The following TMEM17 variants were observed in gnomAD, a reference collection of about 807,000 sequenced individuals.
TMEM17 encodes the protein transmembrane protein 17.
TMEM17 carries 15 observed loss-of-function variants against 19.1 expected under a neutral mutation model. That is an observed-to-expected ratio of 0.78 (90% confidence interval 0.52 to 1.21). The LOEUF (loss-of-function observed/expected upper bound fraction) is 1.21. TMEM17 is among the 50% of genes most tolerant of loss of function. TMEM17 has a pLI of 0.00. For synonymous variants in TMEM17, 103 were observed against 86.9 expected (o/e 1.19, Z -1.03); for missense variants, 245 against 242.3 (o/e 1.01, Z -0.07).
At chr2:62,477,081 C>T in the TMEM17 span, among the ~76,000 whole-genome samples, 2 of 152,144 alleles carry the variant, frequency 1.3e-5, no homozygotes, top group African/African-American at 4.8e-5. Context: ...TGCCGAGCAA[C>T]TGCAGCTTAA....
the TMEM17 span, among the ~76,000 whole-genome samples, chr2:62,485,374 C>T: frequency 0.041 from 6,203 of 152,260 alleles, 284 homozygotes; most frequent in African/African-American, 0.11. Context: ...CCTGATTGTC[C>T]TGCTTGTATA....
At chr2:62,497,071 A>G (rs1679796961), downstream of TMEM17, among the ~76,000 whole-genome samples, 3 of 152,236 alleles carry the variant, frequency 2.0e-5, no homozygotes, top group Admixed American at 1.3e-4. Context: ...TGAATTAGAA[A>G]AAAGACCCTC....
downstream of TMEM17, among the ~76,000 whole-genome samples, chr2:62,498,623 G>A (rs1468339057): frequency 1.4e-5 from 2 of 147,192 alleles, no homozygotes; most frequent in Non-Finnish European, 3.0e-5. Context: ...GGCTGAGGCA[G>A]GAGAATGGCG....
At chr2:62,490,820 T>C in the TMEM17 span, among the ~76,000 whole-genome samples, 1 of 152,130 alleles carries the variant, frequency 6.6e-6, no homozygotes, top group African/African-American at 2.4e-5. Context: ...CTCACGCCTG[T>C]AATCCTGTCA....
the TMEM17 span, among the ~76,000 whole-genome samples, chr2:62,482,829 G>A: frequency 1.4e-3 from 207 of 152,282 alleles, 1 homozygote; most frequent in African/African-American, 4.8e-3. Flanking sequence ...AATCACCCAG[G>A]TTGCATAAGC....
chr2:62,505,611 T>C (rs1280720495), intron 1 of TMEM17, among the ~76,000 whole-genome samples: 1 of 152,236 alleles, frequency 6.6e-6, no homozygotes, highest in East Asian at 1.9e-4. Context: ...CTCGTCATCC[T>C]GGACAGAAAA....
the TMEM17 span, among the ~76,000 whole-genome samples, chr2:62,475,175 T>A: frequency 6.6e-6 from 1 of 152,060 alleles, no homozygotes; most frequent in Admixed American, 6.5e-5. Context: ...TTTCCTGGGG[T>A]GTTTTCAGCT....
chr2:62,490,317 G>A, the TMEM17 span, among the ~76,000 whole-genome samples: 1 of 152,040 alleles, frequency 6.6e-6, no homozygotes, highest in East Asian at 1.9e-4. Flanking sequence ...AGGCTGGAGT[G>A]CGGTGGCACA....
chr2:62,484,543 G>T, the TMEM17 span, among the ~76,000 whole-genome samples: 3 of 152,142 alleles, frequency 2.0e-5, no homozygotes, highest in Non-Finnish European at 4.4e-5. Flanking sequence ...ATTAAAAATG[G>T]TCACATGGAG....
the TMEM17 span, among the ~76,000 whole-genome samples, chr2:62,491,986 T>G: frequency 3.9e-5 from 6 of 151,948 alleles, no homozygotes; most frequent in African/African-American, 1.4e-4. Context: ...TGCTAAGCCT[T>G]TCTATAGGTA....
the TMEM17 span, among the ~76,000 whole-genome samples, chr2:62,479,292 T>C: frequency 6.6e-6 from 1 of 152,190 alleles, no homozygotes; most frequent in African/African-American, 2.4e-5. Flanking sequence ...TTTTCTTAGC[T>C]TCCAATATGA....
At chr2:62,502,285 G>A in intron 3 of TMEM17, 152 bp downstream of exon 3, 1 of 505,900 alleles carries the variant, frequency 2.0e-6, no homozygotes, top group Non-Finnish European at 3.6e-6. Flanking sequence ...AAGAGATTAA[G>A]CAAACAGACC....
At chr2:62,501,983 G>C (rs577268640) in intron 3 of TMEM17, 8 of 164,074 alleles carry the variant, frequency 4.9e-5, no homozygotes, top group Non-Finnish European at 6.6e-5. Flanking sequence ...GGAATCTTTA[G>C]GCATTATCCC....
At chr2:62,505,903 C>G (rs936918804) in intron 1 of TMEM17, 127 bp downstream of exon 1, 65 of 964,216 alleles carry the variant, frequency 6.7e-5, no homozygotes, top group Non-Finnish European at 9.1e-5. Flanking sequence ...AAGGCGCTCT[C>G]CCGCACTGCG....
chr2:62,479,854 T>C, the TMEM17 span, among the ~76,000 whole-genome samples: 2 of 128,230 alleles, frequency 1.6e-5, no homozygotes, highest in Admixed American at 9.8e-5. Context: ...GCCACTGCAC[T>C]CCACCGTGAG....
At chr2:62,497,582 GTCAT>G (rs955904880), downstream of TMEM17, among the ~76,000 whole-genome samples, 32 of 152,072 alleles carry the variant, frequency 2.1e-4, no homozygotes, top group South Asian at 2.1e-4. Context: ...TTCCAGATTC[GTCAT>G]TCATTTAGAT....
chr2:62,471,972 C>T, the TMEM17 span, among the ~76,000 whole-genome samples: 10 of 152,322 alleles, frequency 6.6e-5, no homozygotes, highest in African/African-American at 1.4e-4. Flanking sequence ...AACTCAGATG[C>T]GGAGTCAAGG....
downstream of TMEM17, among the ~76,000 whole-genome samples, chr2:62,498,716 AAAAATAAAAT>A (rs202244559): frequency 8.5e-4 from 102 of 120,208 alleles, 2 homozygotes; most frequent in Middle Eastern, 3.7e-3. Flanking sequence ...ACTCCGTCTC[AAAAATAAAAT>A]AAAATAAAAT....
chr2:62,480,636 T>A, the TMEM17 span, among the ~76,000 whole-genome samples: 97 of 152,294 alleles, frequency 6.4e-4, 1 homozygote, highest in Middle Eastern at 0.01. Context: ...GATATCTGGT[T>A]TTACCAGCAC....
Sources: allele counts gnomAD v4.1 joint callset (sites outside exome capture counted in the v4.1 genomes callset), GRCh38; gene constraint gnomAD v4.1.1; transcripts MANE v1.5; gene names NCBI Gene and HGNC (gene_info 2026-07-23, HGNC 2026-07-21).